Variants in SEMA6D observed in about 807,000 individuals in gnomAD.
The protein encoded by SEMA6D is semaphorin-6D.
In SEMA6D, 35 loss-of-function variants were observed where a neutral mutation model predicts 106.6. The ratio of observed to expected loss-of-function variants is 0.33; its 90% CI spans 0.25 to 0.44. The LOEUF is 0.44. Among genes scored for constraint, SEMA6D ranks in the 20% least tolerant of loss-of-function variants. The pLI is 1.00. For missense variants in SEMA6D, 1,185 were observed against 1,345.9 expected (o/e 0.88, Z 1.87); for synonymous variants, 499 against 487.7 (o/e 1.02, Z -0.31).
At chr15:47,371,696 C>T (rs903932082) in intron 1 of SEMA6D, among the ~76,000 whole-genome samples, 4 of 152,046 alleles carry the variant, frequency 2.6e-5, no homozygotes, top group African/African-American at 9.7e-5. Flanking sequence ...CCCCATACAA[C>T]TTGTGAGCCA....
chr15:47,762,955 G>A (rs943446801), intron 8 of SEMA6D, 61 bp from the exon 9 acceptor site: 23 of 1,224,050 alleles, frequency 1.9e-5, no homozygotes, highest in Non-Finnish European at 2.6e-5. Flanking sequence ...CTTTGCAGTC[G>A]GGGTCTTATG....
At chr15:47,287,032 T>C (rs2035396642) in intron 1 of SEMA6D, among the ~76,000 whole-genome samples, 1 of 152,188 alleles carries the variant, frequency 6.6e-6, no homozygotes, top group South Asian at 2.1e-4. Flanking sequence ...TCTCAGACTC[T>C]GTGTAATGAG....
At chr15:47,390,999 A>G (rs577408206) in intron 1 of SEMA6D, among the ~76,000 whole-genome samples, 3 of 152,302 alleles carry the variant, frequency 2.0e-5, no homozygotes, top group Middle Eastern at 3.4e-3. Context: ...ATTTCCAAGA[A>G]GATTCTTGCC....
At chr15:47,303,644 C>T (rs2036108733) in intron 1 of SEMA6D, among the ~76,000 whole-genome samples, 1 of 152,154 alleles carries the variant, frequency 6.6e-6, no homozygotes, top group Non-Finnish European at 1.5e-5. Context: ...GAGGTATTTC[C>T]AGCAGTGTCT....
intron 3 of SEMA6D, among the ~76,000 whole-genome samples, chr15:47,485,268 G>A (rs1012951229): frequency 2.0e-5 from 3 of 152,048 alleles, no homozygotes; most frequent in African/African-American, 7.2e-5. Context: ...TTAAAGTAAT[G>A]GTCACATTGA....
At chr15:47,317,263 A>G (rs2036720300) in intron 1 of SEMA6D, among the ~76,000 whole-genome samples, 2 of 151,686 alleles carry the variant, frequency 1.3e-5, no homozygotes, top group African/African-American at 2.4e-5. Context: ...CCCCTCTTTC[A>G]TTTTTGATAT....
intron 3 of SEMA6D, among the ~76,000 whole-genome samples, chr15:47,495,442 CATGTAGTTCAG>C (rs2043622564): frequency 6.6e-6 from 1 of 151,892 alleles, no homozygotes. Flanking sequence ...TTAGCTATTG[CATGTAGTTCAG>C]AGGTAAATTT....
intron 3 of SEMA6D, among the ~76,000 whole-genome samples, chr15:47,534,125 C>T (rs1018801815): frequency 3.3e-5 from 5 of 151,912 alleles, no homozygotes; most frequent in Non-Finnish European, 7.4e-5. Context: ...TGAGAATGTC[C>T]AAGTGTACTA....
At chr15:47,620,731 C>A (rs1566940190) in intron 4 of SEMA6D, among the ~76,000 whole-genome samples, 1 of 145,564 alleles carries the variant, frequency 6.9e-6, no homozygotes, top group African/African-American at 2.5e-5. Flanking sequence ...TATATATATT[C>A]TTTGTGCAAA....
At chr15:47,284,271 G>C (rs971982433) in intron 1 of SEMA6D, among the ~76,000 whole-genome samples, 3 of 152,292 alleles carry the variant, frequency 2.0e-5, no homozygotes, top group African/African-American at 7.2e-5. Flanking sequence ...TTAAACACTT[G>C]TTATCACTCA....
chr15:47,249,976 A>G (rs2033417455), intron 1 of SEMA6D, among the ~76,000 whole-genome samples: 1 of 152,196 alleles, frequency 6.6e-6, no homozygotes, highest in Admixed American at 6.5e-5. Context: ...TGAATTTAAA[A>G]CACAAAATAA....
At chr15:47,694,224 C>T (rs2078652342) in intron 4 of SEMA6D, among the ~76,000 whole-genome samples, 1 of 152,070 alleles carries the variant, frequency 6.6e-6, no homozygotes, top group Admixed American at 6.6e-5. Context: ...GAGAAATGCT[C>T]ACATTTGAAA....
At chr15:47,249,928 G>A (rs1428259263) in intron 1 of SEMA6D, among the ~76,000 whole-genome samples, 2 of 152,046 alleles carry the variant, frequency 1.3e-5, no homozygotes, top group African/African-American at 2.4e-5. Context: ...TGACAGTCTC[G>A]GCAGGCACCT....
At chr15:47,286,282 G>C (rs974983910) in intron 1 of SEMA6D, among the ~76,000 whole-genome samples, 7 of 152,196 alleles carry the variant, frequency 4.6e-5, no homozygotes, top group Admixed American at 2.0e-4. Flanking sequence ...AGGGCTATAT[G>C]GCTGACTTGA....
At chr15:47,732,201 A>G (rs1017784338) in intron 1 of SEMA6D, among the ~76,000 whole-genome samples, 1 of 152,230 alleles carries the variant, frequency 6.6e-6, no homozygotes, top group Non-Finnish European at 1.5e-5. Flanking sequence ...AATTGCTTAA[A>G]CAATTAGGAT....
intron 4 of SEMA6D, among the ~76,000 whole-genome samples, chr15:47,709,292 G>A (rs2078971708): frequency 6.6e-6 from 1 of 152,124 alleles, no homozygotes; most frequent in Non-Finnish European, 1.5e-5. Flanking sequence ...AGGACCTAGA[G>A]GTAGTAAAGG....
intron 4 of SEMA6D, among the ~76,000 whole-genome samples, chr15:47,647,720 A>C (rs74720553): frequency 2.6e-5 from 3 of 113,242 alleles, no homozygotes; most frequent in Non-Finnish European, 3.3e-5. Flanking sequence ...AATTGTGGGC[A>C]AAAAAAAAAA....
rs183935957 is a variant in SEMA6D, at chr15:47,733,842, A to G, written c.-55+16150A>G. ...AAGGATGTTTGGCAATATGTAAAAT[A>G]TTCATATAGGAAAGGCTTATGGATT... is the stretch of plus-strand genomic sequence containing the variant. On this transcript the variant is annotated intron_variant, in intron 1 of 18. Coordinates refer to ENST00000536845, the MANE Select transcript of SEMA6D (RefSeq NM_001358351.3). 5.3e-5 allele frequency among the ~76,000 whole-genome samples: 8 copies of G among 152,334 alleles called. No homozygotes were observed. The East Asian group carries it at 1.5e-3, about 29-fold the overall frequency.
chr15:47,483,612 G>A (rs61998616), intron 3 of SEMA6D, among the ~76,000 whole-genome samples: 3,575 of 152,094 alleles, frequency 0.024, 68 homozygotes, highest in Non-Finnish European at 0.037. Flanking sequence ...TTTAACTCAG[G>A]ATGTTTTAAA....
Sources: gnomAD v4.1 joint callset for allele counts (sites outside exome capture counted in the v4.1 genomes callset) on GRCh38, gnomAD v4.1.1 for gene constraint, MANE v1.5 for transcripts, NCBI Gene and HGNC (gene_info 2026-07-23, HGNC 2026-07-21) for gene names.